DMD: variants seen among roughly 807,000 people sequenced by gnomAD.
The protein encoded by DMD is dystrophin.
In DMD, 63 loss-of-function variants were observed where a neutral mutation model predicts 330.1. That is an observed-to-expected ratio of 0.19 (90% CI 0.16 to 0.24). The LOEUF (loss-of-function observed/expected upper bound fraction) is 0.24. Among genes scored for constraint, DMD ranks in the 10% least tolerant of loss-of-function variants. The probability of loss-of-function intolerance (pLI) is 1.00; values close to 1 mark genes in which losing one functional copy is unlikely to be tolerated. For synonymous variants in DMD, 1,223 were observed against 959.8 expected, an observed-to-expected ratio of 1.27 and a Z score of -5.07; for missense variants, 3,344 against 2,684.1, an observed-to-expected ratio of 1.25 and a Z score of -5.43.
At chrX:31,362,700 T>C (rs2059004554) in intron 60 of DMD, among the ~76,000 whole-genome samples, 1 of 112,949 alleles carries the variant, frequency 8.9e-6, no homozygotes, top group Non-Finnish European at 1.9e-5. Flanking sequence ...ATCCCAGCAC[T>C]TCGGGAGGCC....
chrX:33,333,106 A>C (rs951750903), intron 1 of DMD, among the ~76,000 whole-genome samples: 2 of 111,033 alleles, frequency 1.8e-5, no homozygotes, highest in African/African-American at 6.5e-5. Flanking sequence ...TACCAATTTC[A>C]GGCAAGAAGC....
At chrX:32,239,671 A>G (rs2148050375) in intron 43 of DMD, among the ~76,000 whole-genome samples, 3 of 112,132 alleles carry the variant, frequency 2.7e-5, no homozygotes, top group African/African-American at 9.7e-5. Context: ...TGCTATGCAT[A>G]CCATGTATGT....
At chrX:33,097,058 T>C (rs188442795) in intron 1 of DMD, among the ~76,000 whole-genome samples, 60 of 111,660 alleles carry the variant, frequency 5.4e-4, no homozygotes, top group Admixed American at 5.2e-3. Flanking sequence ...CTATGTGCTA[T>C]AAGGATCCTC....
chrX:31,478,978 A>G lies in DMD; in HGVS notation c.8668+5T>C. On this transcript the variant is annotated splice_donor_5th_base_variant and intron_variant, in intron 58 of 78. Transcript: ENST00000357033. ...ATATGTTATTATAGTTCCACATTCA[A>G]TTACCTCTGGGCTCCTGGTAGAGTT... 8.3e-7 allele frequency: 1 copy of G among 1,209,862 alleles called. No individual in the cohort carries two copies.
chrX:32,326,435 C>T (rs2097651099), intron 41 of DMD, among the ~76,000 whole-genome samples: 1 of 112,241 alleles, frequency 8.9e-6, no homozygotes, highest in South Asian at 3.6e-4. Flanking sequence ...TAACATATAG[C>T]ATAGCTACAT....
chrX:32,400,062 T>A (rs1006768682), intron 30 of DMD, among the ~76,000 whole-genome samples: 10 of 111,645 alleles, frequency 9.0e-5, no homozygotes, highest in Non-Finnish European at 1.7e-4. Context: ...GCTTCCGGTT[T>A]TTGCCCATTC....
chrX:32,680,924 G>A (rs921417328), intron 9 of DMD, among the ~76,000 whole-genome samples: 3 of 111,617 alleles, frequency 2.7e-5, no homozygotes, highest in African/African-American at 9.8e-5. Flanking sequence ...TCTACTTCTG[G>A]TACCTTCTCT....
chrX:33,250,004 A>T (rs1462684879), intron 1 of DMD, among the ~76,000 whole-genome samples: 13 of 105,118 alleles, frequency 1.2e-4, no homozygotes, highest in African/African-American at 4.7e-4. Context: ...TTATACTGCT[A>T]ACATTCATCG....
chrX:31,700,826 T>C (rs1181813912), intron 52 of DMD, among the ~76,000 whole-genome samples: 1 of 112,001 alleles, frequency 8.9e-6, no homozygotes, highest in Non-Finnish European at 1.9e-5. Context: ...TTGATGTATA[T>C]CTATGCAAAA....
chrX:32,341,028 T>A (rs1384091685), intron 41 of DMD, among the ~76,000 whole-genome samples: 1 of 112,059 alleles, frequency 8.9e-6, no homozygotes, highest in Non-Finnish European at 1.9e-5. Flanking sequence ...TTCCCTTATA[T>A]GCTTATAAAA....
rs1343295186 is a variant in DMD, at chrX:33,187,177, A to G, written c.31+24105T>C. 2.7e-5 allele frequency among the ~76,000 whole-genome samples: 3 copies of G among 112,462 alleles called. No individual in the cohort carries two copies. The East Asian group carries it at 8.4e-4, about 31-fold the overall frequency. ...ACATTGCTTACAGCACAGAATATTC[A>G]CCAATATTATTGCTAAGAGTAGAGA... is the stretch of plus-strand genomic sequence containing the variant. On this transcript the variant is annotated intron_variant, in intron 1 of 78. Transcript: ENST00000357033.
In DMD at chrX:31,561,358, C is replaced by T. The variant is rs183515436; in HGVS notation, c.8218-53905G>A. 6.1e-3 allele frequency among the ~76,000 whole-genome samples: 682 copies of T among 110,910 alleles called. 9 individuals are homozygous for T. The highest frequency in any genetic ancestry group is 0.021 in the African/African-American group (646 of 30,497). ...GGGCTGAAACTGAAAAAGCAAAAAA[C>T]GGGGTGGGAGGGTAGAAAGAACAGG... On this transcript the variant is annotated intron_variant, in intron 55 of 78. Transcript: ENST00000357033.
rs187722523 is a variant in DMD, at chrX:32,576,750, G to A, written c.1603-2904C>T. 3.6e-3 allele frequency among the ~76,000 whole-genome samples: 381 copies of A among 106,189 alleles called. 2 individuals are homozygous for A. Among genetic ancestry groups the A allele is most frequent in the African/African-American group, 0.012 (360 of 29,236 alleles). The allele number at this position is 106,189 out of a possible 115,157, so 92.2% of individuals were successfully genotyped here. A position where few individuals can be genotyped will look rare whatever the true frequency, so the allele number is the denominator to read the frequency against. On this transcript the variant is annotated intron_variant, in intron 13 of 78. Transcript: ENST00000357033. ...AGGGAGGGAGGGAGGGAGGGAGGGAGGGATTGCTGTAATTAAACACTCTTT... is the reference window on the plus strand; with the variant it reads ...AGGGAGGGAGGGAGGGAGGGAGGGAAGGATTGCTGTAATTAAACACTCTTT...
intron 45 of DMD, among the ~76,000 whole-genome samples, chrX:31,942,901 T>C (rs187505372): frequency 1.9e-3 from 218 of 112,084 alleles, no homozygotes; most frequent in Admixed American, 3.6e-3. Context: ...TATTTCATAG[T>C]AGTCTGGGGA....
intron 48 of DMD, among the ~76,000 whole-genome samples, chrX:31,860,746 A>G (rs746413697): frequency 8.9e-6 from 1 of 112,842 alleles, no homozygotes; most frequent in East Asian, 2.8e-4. Context: ...TAGGTAATGT[A>G]TTTTGAAAGA....
At chrX:31,296,499 C>T (rs767320367) in intron 62 of DMD, among the ~76,000 whole-genome samples, 4 of 111,723 alleles carry the variant, frequency 3.6e-5, no homozygotes, top group Non-Finnish European at 7.5e-5. Context: ...TAGAAAGATT[C>T]TCCTGAGGAA....
rs188664590 is a variant in DMD, at chrX:32,658,999, T to C, written c.961-13847A>G. ...AAGGCTCACAGACAACATACAGCGATTGTATTGACATTCAGCATCACCCTT... is the reference window on the plus strand; with the variant it reads ...AAGGCTCACAGACAACATACAGCGACTGTATTGACATTCAGCATCACCCTT... On this transcript the variant is annotated intron_variant, in intron 9 of 78. Transcript: ENST00000357033. Among the ~76,000 whole-genome samples, 513 of 112,072 alleles carry C rather than the reference T, an allele frequency of 4.6e-3. 3 individuals are homozygous for C. Among genetic ancestry groups the C allele is most frequent in the Non-Finnish European group, 7.5e-3 (399 of 53,160 alleles).
chrX:32,299,315 AGCTTTTT>A (rs2097511490), intron 42 of DMD, among the ~76,000 whole-genome samples: 1 of 110,870 alleles, frequency 9.0e-6, no homozygotes, highest in African/African-American at 3.3e-5. Context: ...GATGACATAT[AGCTTTTT>A]GGACACTTTC....
rs761491416 is a variant in DMD, at chrX:31,855,370, T to C, written c.7099-18551A>G. On this transcript the variant is annotated intron_variant, in intron 48 of 78. Coordinates refer to ENST00000357033, the MANE Select transcript of DMD (RefSeq NM_004006.3). ...ATCTCTGAATAGTGGCCAGTGATAT[T>C]TGCATTATTTTAAACCAATATAGAG... is the stretch of plus-strand genomic sequence containing the variant. 1.2e-4 allele frequency among the ~76,000 whole-genome samples: 14 copies of C among 112,246 alleles called. No homozygotes were observed. The South Asian group carries it at 4.8e-3, about 38-fold the overall frequency.
Sources: allele counts gnomAD v4.1 joint callset (sites outside exome capture counted in the v4.1 genomes callset), GRCh38; gene constraint gnomAD v4.1.1; transcripts MANE v1.5; gene names NCBI Gene and HGNC (gene_info 2026-07-23, HGNC 2026-07-21).